The following DAB1 variants were observed in gnomAD, a reference collection of about 807,000 sequenced individuals.
DAB1 encodes the protein DAB adaptor protein 1.
Under a neutral mutation model 64.6 loss-of-function variants are expected in DAB1, and 15 were observed. The observed-to-expected ratio is 0.23, with a 90% CI of 0.16 to 0.36. The LOEUF (loss-of-function observed/expected upper bound fraction) is 0.36. Ranked by LOEUF, DAB1 falls within the 10% of genes least tolerant of loss-of-function variation. The pLI, the probability that DAB1 is intolerant of heterozygous loss-of-function variation, is 1.00. For missense variants in DAB1, 596 were observed against 706.7 expected (o/e 0.84, Z 1.78); for synonymous variants, 235 against 251.9 (o/e 0.93, Z 0.64).
At chr1:57,326,931 A>ATTATTTAT (rs61451955) in intron 1 of DAB1, among the ~76,000 whole-genome samples, 170 of 150,040 alleles carry the variant, frequency 1.1e-3, no homozygotes, top group African/African-American at 1.4e-3. Context: ...ACAGAGCACT[A>ATTATTTAT]TTATTTATTT....
chr1:58,333,723 G>C (rs1663030315), intron 4 of DAB1, among the ~76,000 whole-genome samples: 1 of 152,210 alleles, frequency 6.6e-6, no homozygotes, highest in Admixed American at 6.5e-5. Context: ...GTTATGAGTT[G>C]ATCTCAGTTT....
intron 4 of DAB1, among the ~76,000 whole-genome samples, chr1:58,168,402 TC>T (rs2100761717): frequency 6.6e-6 from 1 of 152,238 alleles, no homozygotes; most frequent in East Asian, 1.9e-4. Flanking sequence ...ATGCTATCTA[TC>T]CTGACACTTG....
chr1:57,071,662 G>T (rs773378664), intron 5 of DAB1, 21 bp from the exon 6 acceptor site: 1 of 1,610,888 alleles, frequency 6.2e-7, no homozygotes, highest in African/African-American at 1.3e-5. Flanking sequence ...AGGTAGTAAG[G>T]CACATCATAA....
At chr1:57,491,804 C>T (rs1644169221) in intron 7 of DAB1, among the ~76,000 whole-genome samples, 1 of 152,060 alleles carries the variant, frequency 6.6e-6, no homozygotes, top group Non-Finnish European at 1.5e-5. Context: ...CTGGCTTCCA[C>T]GAAAGAGAGA....
At chr1:57,913,009 C>T (rs1644670675) in intron 5 of DAB1, among the ~76,000 whole-genome samples, 1 of 152,154 alleles carries the variant, frequency 6.6e-6, no homozygotes, top group Non-Finnish European at 1.5e-5. Context: ...GTGAAAATGG[C>T]CATACTGTGC....
chr1:58,466,049 G>A (rs1212363210), intron 3 of DAB1, among the ~76,000 whole-genome samples: 1 of 152,110 alleles, frequency 6.6e-6, no homozygotes, highest in Non-Finnish European at 1.5e-5. Context: ...CCAGCTTCAG[G>A]GAGCATGACT....
intron 7 of DAB1, among the ~76,000 whole-genome samples, chr1:57,624,044 G>C (rs1445588818): frequency 6.6e-6 from 1 of 152,208 alleles, no homozygotes; most frequent in Non-Finnish European, 1.5e-5. Flanking sequence ...TCTCTCTGGG[G>C]ACCCCAGGCA....
chr1:57,194,564 C>G (rs1379713968), intron 2 of DAB1, among the ~76,000 whole-genome samples: 9 of 152,172 alleles, frequency 5.9e-5, no homozygotes, highest in Admixed American at 5.9e-4. Flanking sequence ...CGTGGAAAAG[C>G]CCTTTCCCTT....
At chr1:58,048,774 G>A in intron 5 of DAB1, 2 of 1,210,420 alleles carry the variant, frequency 1.7e-6, no homozygotes, top group Non-Finnish European at 2.4e-6. Flanking sequence ...CTTCACAGTT[G>A]TGGCCATTCA....
At chr1:57,154,677 C>T (rs1413753051) in intron 2 of DAB1, among the ~76,000 whole-genome samples, 1 of 152,180 alleles carries the variant, frequency 6.6e-6, no homozygotes, top group African/African-American at 2.4e-5. Context: ...ACAAGGGTTT[C>T]CTTTTCTCCA....
intron 1 of DAB1, among the ~76,000 whole-genome samples, chr1:57,374,315 T>A (rs915853948): frequency 1.3e-5 from 2 of 152,194 alleles, no homozygotes; most frequent in Non-Finnish European, 2.9e-5. Context: ...TCCAACAGAA[T>A]AAAATTTTGT....
At chr1:57,675,015 A>T (rs1646549683) in intron 6 of DAB1, among the ~76,000 whole-genome samples, 1 of 152,220 alleles carries the variant, frequency 6.6e-6, no homozygotes, top group Non-Finnish European at 1.5e-5. Context: ...GGGTAGGAAC[A>T]ATGAAAAGCT....
Position 57,071,566 on chromosome 1 carries a change from T to C in DAB1, c.514A>G (p.Lys172Glu), listed in dbSNP as rs1405684687. ...CACTGCTTATCCTTTTGTGCCTTTT[T>C]TTCTAATTCTTCTCTTTGCTTCAAT... ...YELKQREELE[K>E]KAQKDKQCEQ... The change falls in exon 6 of 15, where the codon AAA becomes GAA. Residue 172 changes from lysine (K) to glutamate (E), a missense_variant. Around this residue, in one of 3 missense-constraint regions of DAB1, gnomAD observed 176 missense variants for 266.7 expected, o/e 0.66. Coordinates refer to ENST00000371236, the MANE Select transcript of DAB1 (RefSeq NM_001365792.1). The C allele has an allele frequency of 1.9e-6, 3 of 1,613,998 alleles. No homozygotes were observed. Among genetic ancestry groups the C allele is most frequent in the South Asian group, 1.1e-5 (1 of 91,070 alleles).
chr1:57,651,363 T>C (rs1646254119), intron 6 of DAB1, among the ~76,000 whole-genome samples: 1 of 152,204 alleles, frequency 6.6e-6, no homozygotes. Flanking sequence ...TAGAGATTTG[T>C]TACTAGTTTT....
At chr1:57,690,952 G>C (rs1032499472) in intron 6 of DAB1, among the ~76,000 whole-genome samples, 2 of 152,172 alleles carry the variant, frequency 1.3e-5, no homozygotes, top group African/African-American at 4.8e-5. Context: ...CTTTTGAGAA[G>C]TGTCTATTTA....
rs1557427773 is a variant in DAB1, at chr1:57,695,365, A to AAGGAAAG, written n.552-45701_552-45700insCTTTCCT. Among the ~76,000 whole-genome samples, 25 of 36,930 alleles carry AAGGAAAG rather than the reference A, an allele frequency of 6.8e-4. 1 individual carries two copies. The highest frequency in any genetic ancestry group is 4.2e-3 in the African/African-American group (23 of 5,466). The allele number at this position is 36,930 out of a possible 152,430, so 24.2% of individuals were successfully genotyped here. ...GAAAGAAAGAAAGAAAAGAAAGAAG[A>AAGGAAAG]AAGAAAGAAAGAAAGAAAGAAAGAA... On this transcript the variant is annotated intron_variant and non_coding_transcript_variant, in intron 6 of 20. Coordinates refer to the DAB1 transcript ENST00000485760.
At chr1:57,322,266 G>T (rs555209456) in intron 1 of DAB1, among the ~76,000 whole-genome samples, 2 of 152,118 alleles carry the variant, frequency 1.3e-5, no homozygotes, top group African/African-American at 4.8e-5. Flanking sequence ...AGATTCCAGT[G>T]CCCAGTACAA....
At chr1:57,036,591 T>C (rs1405718516) in intron 9 of DAB1, among the ~76,000 whole-genome samples, 1 of 152,224 alleles carries the variant, frequency 6.6e-6, no homozygotes, top group East Asian at 1.9e-4. Context: ...AATTACCACT[T>C]GAGTTCTAAT....
intron 4 of DAB1, among the ~76,000 whole-genome samples, chr1:57,106,257 A>ACCCCC (rs10658621): frequency 9.2e-4 from 128 of 138,586 alleles, no homozygotes; most frequent in African/African-American, 1.8e-3. Flanking sequence ...TCCCCCTAAC[A>ACCCCC]CCCCCCCCCA....
Sources: gnomAD v4.1 joint callset for allele counts (sites outside exome capture counted in the v4.1 genomes callset) on GRCh38, gnomAD v4.1.1 for gene constraint, gnomAD v4.1.1 regional missense constraint, MANE v1.5 for transcripts, NCBI Gene and HGNC (gene_info 2026-07-23, HGNC 2026-07-21) for gene names.